Variants in ERC1 observed in about 807,000 individuals in gnomAD.
ERC1 encodes RAB6 interacting protein 2.
Under a neutral mutation model 132.0 loss-of-function variants are expected in ERC1, and 56 were observed. The observed-to-expected ratio is 0.42, with a 90% confidence interval of 0.34 to 0.53. ERC1 has a LOEUF of 0.53. Among genes scored for constraint, ERC1 ranks in the 20% least tolerant of loss-of-function variants. The pLI is 0.03. For missense variants in ERC1, 1,202 were observed against 1,349.9 expected, an observed-to-expected ratio of 0.89 and a Z score of 1.72; for synonymous variants, 478 against 476.1, an observed-to-expected ratio of 1.00 and a Z score of -0.05.
intron 3 of ERC1, among the ~76,000 whole-genome samples, chr12:1,092,333 GT>G (rs1331907205): frequency 4.6e-5 from 7 of 152,094 alleles, no homozygotes; most frequent in African/African-American, 1.7e-4. Context: ...AACTTTCCCT[GT>G]TTTAACAATG....
chr12:1,490,092 G>C lies in ERC1; in HGVS notation c.3214-1G>C. ...AAATCCATCTCTCCTTTCCCTTTCA[G>C]CTTCAGGATGAGTTAGAGAAAGGTG... is the stretch of plus-strand genomic sequence containing the variant. On this transcript the variant is annotated splice_acceptor_variant, in intron 18 of 18. Transcript: ENST00000360905. LOFTEE classifies it high-confidence loss of function. The C allele has an allele frequency of 6.2e-7, 1 of 1,613,408 alleles. No homozygotes were observed. Among genetic ancestry groups the C allele is most frequent in the Non-Finnish European group, 8.5e-7 (1 of 1,179,376 alleles).
intron 2 of ERC1, among the ~76,000 whole-genome samples, chr12:1,043,099 A>G (rs995317884): frequency 6.9e-6 from 1 of 145,234 alleles, no homozygotes; most frequent in Non-Finnish European, 1.5e-5. Context: ...GCTGGAGTGC[A>G]GTGGCGCGAT....
rs1555389413 is a variant in ERC1, at chr12:1,394,046, C to CAAAAAAA, written c.2926-14102_2926-14101insAAAAAAA. On this transcript the variant is annotated intron_variant, in intron 16 of 18. Transcript: ENST00000360905. ...AAAAAAAAAAAAACAAAAAAAAAAC[C>CAAAAAAA]ACAAAGCATTAAGCAATTTAATTTC... Among the ~76,000 whole-genome samples, 47 of 70,838 alleles carry CAAAAAAA rather than the reference C, an allele frequency of 6.6e-4. 4 individuals are homozygous for CAAAAAAA. Among genetic ancestry groups the CAAAAAAA allele is most frequent in the African/African-American group, 2.2e-3 (45 of 20,012 alleles). The allele number at this position is 70,838 out of a possible 152,430, so 46.5% of individuals were successfully genotyped here.
chr12:1,407,069 A>C (rs1353665615), intron 16 of ERC1, among the ~76,000 whole-genome samples: 1 of 152,132 alleles, frequency 6.6e-6, no homozygotes, highest in Non-Finnish European at 1.5e-5. Context: ...TAATTTTTCT[A>C]AAATGTTCAA....
At position 1,307,984 on chromosome 12, in the gene ERC1, C is replaced by A. The variant is rs369793330; in HGVS notation, c.2780+17972C>A. Among the ~76,000 whole-genome samples the A allele has an allele frequency of 1.6e-4, 25 of 152,270 alleles. No individual in the cohort carries two copies. In the East Asian group the frequency reaches 4.6e-3, roughly 28 times the overall value. ...ATTGTAAATCCCATCTGAATACTGA[C>A]AACAGTTCAAAACATCAGGAGATAA... On this transcript the variant is annotated intron_variant, in intron 15 of 18. Transcript: ENST00000360905.
chr12:1,274,527 C>G (rs2078118399), intron 14 of ERC1, among the ~76,000 whole-genome samples: 2 of 150,400 alleles, frequency 1.3e-5, no homozygotes, highest in South Asian at 2.1e-4. Flanking sequence ...GAGTCTTGCT[C>G]TGTTGCCCAG....
rs1488643951 is a variant in ERC1, at chr12:1,492,883, C to T, written c.*2653C>T. 1 of 229,748 alleles carries T rather than the reference C, an allele frequency of 4.4e-6. No individual in the cohort carries two copies. Among genetic ancestry groups the T allele is most frequent in the Non-Finnish European group, 8.6e-6 (1 of 115,986 alleles). The allele number at this position is 229,748 out of a possible 1,614,324, so 14.2% of individuals were successfully genotyped here. A position where few individuals can be genotyped will look rare whatever the true frequency, so the allele number is the denominator to read the frequency against. On this transcript the variant is annotated 3_prime_UTR_variant, in exon 19 of 19. Coordinates refer to ENST00000360905, the MANE Select transcript of ERC1 (RefSeq NM_178040.4). The stretch of plus-strand genomic sequence containing the variant: ...CACTAGGACTTGTCATTCCATGCCC[C>T]TCTCCTAGTGGTCATGGTTTCATAT...
chr12:1,253,568 CTG>C (rs1293221513), intron 13 of ERC1, among the ~76,000 whole-genome samples: 1 of 152,076 alleles, frequency 6.6e-6, no homozygotes, highest in Non-Finnish European at 1.5e-5. Context: ...CCCAGCTACT[CTG>C]GAGGCCGAGG....
Position 1,107,165 on chromosome 12 carries a change from T to C in ERC1, c.1161+2341T>C, listed in dbSNP as rs142228219. Among the ~76,000 whole-genome samples the C allele has an allele frequency of 3.4e-3, 514 of 152,342 alleles. 4 individuals carry two copies. Among genetic ancestry groups the C allele is most frequent in the African/African-American group, 0.012 (483 of 41,578 alleles). On this transcript the variant is annotated intron_variant, in intron 4 of 18. Transcript: ENST00000360905. ...CTCATTCCAGCCTTTCCTTCTTTGT[T>C]CCTCTTCTTCTCTTTCTCTTCCTCC... is the stretch of plus-strand genomic sequence containing the variant.
intron 2 of ERC1, among the ~76,000 whole-genome samples, chr12:1,031,462 C>A (rs1295828561): frequency 6.6e-6 from 1 of 152,050 alleles, no homozygotes; most frequent in Non-Finnish European, 1.5e-5. Context: ...TGTATCTATT[C>A]TAGTTAATAT....
intron 17 of ERC1, chr12:1,443,951 T>C (rs979515590): frequency 1.3e-5 from 2 of 152,292 alleles, no homozygotes; most frequent in African/African-American, 4.8e-5. Context: ...TAGGGATTTA[T>C]CAGTCACTGG....
intron 15 of ERC1, among the ~76,000 whole-genome samples, chr12:1,356,212 A>AGTGTGTGTGTGTGTGTGTGTG (rs1489476709): frequency 8.4e-6 from 1 of 119,060 alleles, no homozygotes; most frequent in African/African-American, 3.3e-5. Flanking sequence ...AAAAAAAAAA[A>AGTGTGTGTGTGTGTGTGTGTG]AGTGTGTGTG....
chr12:1,486,930 C>T (rs1356827532), intron 18 of ERC1, among the ~76,000 whole-genome samples: 1 of 152,184 alleles, frequency 6.6e-6, no homozygotes, highest in Admixed American at 6.5e-5. Flanking sequence ...AGAATATAAA[C>T]TAGAATTGTC....
chr12:1,369,799 G>C (rs569890692), intron 15 of ERC1, among the ~76,000 whole-genome samples: 4 of 152,230 alleles, frequency 2.6e-5, no homozygotes, highest in African/African-American at 9.6e-5. Context: ...GTAGTGTGGG[G>C]ACAGTGCGAT....
chr12:1,207,277 G>C (rs565845975), intron 12 of ERC1, among the ~76,000 whole-genome samples: 1 of 152,100 alleles, frequency 6.6e-6, no homozygotes, highest in African/African-American at 2.4e-5. Flanking sequence ...AGATGTAATT[G>C]TATTTTTGAA....
At chr12:1,003,925 C>G (rs947105549) in intron 1 of ERC1, among the ~76,000 whole-genome samples, 2 of 152,190 alleles carry the variant, frequency 1.3e-5, no homozygotes, top group African/African-American at 4.8e-5. Flanking sequence ...CTATTCTAGG[C>G]TGCTGCTAAG....
intron 1 of ERC1, among the ~76,000 whole-genome samples, chr12:1,006,228 A>G (rs887089737): frequency 6.6e-6 from 1 of 151,982 alleles, no homozygotes; most frequent in Non-Finnish European, 1.5e-5. Context: ...AAGTGCTGGG[A>G]TTACAGGCAT....
At chr12:1,309,166 G>A (rs2081103892) in intron 15 of ERC1, among the ~76,000 whole-genome samples, 1 of 152,130 alleles carries the variant, frequency 6.6e-6, no homozygotes, top group Admixed American at 6.5e-5. Flanking sequence ...TGTTACAGCG[G>A]CTTGAATAGA....
intron 12 of ERC1, among the ~76,000 whole-genome samples, chr12:1,221,409 T>C (rs2154295449): frequency 6.6e-6 from 1 of 152,282 alleles, no homozygotes; most frequent in South Asian, 2.1e-4. Flanking sequence ...TAAAAGACAC[T>C]AAATGTAAGA....
Sources: allele counts gnomAD v4.1 joint callset (sites outside exome capture counted in the v4.1 genomes callset), GRCh38; gene constraint gnomAD v4.1.1; transcripts MANE v1.5; gene names NCBI Gene and HGNC (gene_info 2026-07-23, HGNC 2026-07-21).